CNTN4: variants seen among roughly 807,000 people sequenced by gnomAD.
CNTN4 encodes the protein contactin 4.
A neutral mutation model predicts 122.5 loss-of-function variants in CNTN4; 77 were observed. That is an observed-to-expected ratio of 0.63 (90% CI 0.52 to 0.76). The LOEUF (loss-of-function observed/expected upper bound fraction) is 0.76, where lower values mean the gene tolerates loss of function less well. CNTN4 is among the 30% of genes least tolerant of loss of function. The pLI, the probability that CNTN4 is intolerant of heterozygous loss-of-function variation, is 0.00. For synonymous variants in CNTN4, 512 were observed against 447.0 expected (o/e 1.15, Z -1.83); for missense variants, 1,256 against 1,259.1 (o/e 1.00, Z 0.04).
intron 3 of CNTN4, among the ~76,000 whole-genome samples, chr3:2,466,005 G>C (rs1228153752): frequency 6.6e-6 from 1 of 152,174 alleles, no homozygotes; most frequent in East Asian, 1.9e-4. Context: ...AAGTATGTGA[G>C]TACTTTGTAA....
chr3:2,318,155 T>C (rs916053750), intron 2 of CNTN4, among the ~76,000 whole-genome samples: 10 of 150,410 alleles, frequency 6.6e-5, no homozygotes, highest in African/African-American at 2.2e-4. Context: ...GAGGCCACAG[T>C]GTGTGATGAT....
chr3:2,740,434 A>T (rs1158237995), intron 5 of CNTN4, among the ~76,000 whole-genome samples: 1 of 152,204 alleles, frequency 6.6e-6, no homozygotes, highest in Non-Finnish European at 1.5e-5. Flanking sequence ...ACTCCTTCAA[A>T]TGATAACATA....
intron 4 of CNTN4, among the ~76,000 whole-genome samples, chr3:2,591,716 T>G (rs548392228): frequency 6.6e-6 from 1 of 151,978 alleles, no homozygotes; most frequent in Admixed American, 6.6e-5. Flanking sequence ...AAAAAAAATA[T>G]GAGGTGAATT....
intron 2 of CNTN4, among the ~76,000 whole-genome samples, chr3:2,208,866 T>G (rs2038481640): frequency 6.6e-6 from 1 of 152,142 alleles, no homozygotes; most frequent in Admixed American, 6.6e-5. Flanking sequence ...AGCAATAAAG[T>G]ATGTTTAAAT....
chr3:2,940,815 A>G (rs1329121661), intron 13 of CNTN4, among the ~76,000 whole-genome samples: 1 of 152,160 alleles, frequency 6.6e-6, no homozygotes, highest in African/African-American at 2.4e-5. Context: ...CATCTTCTGA[A>G]AGTCTGGTCA....
intron 3 of CNTN4, among the ~76,000 whole-genome samples, chr3:2,382,592 C>T (rs1029560915): frequency 2.0e-5 from 3 of 152,198 alleles, no homozygotes; most frequent in Non-Finnish European, 4.4e-5. Flanking sequence ...TTTTATTCTG[C>T]TCATTTATGT....
chr3:2,653,252 A>G (rs1231002409), intron 4 of CNTN4, among the ~76,000 whole-genome samples: 2 of 152,164 alleles, frequency 1.3e-5, no homozygotes, highest in East Asian at 3.8e-4. Flanking sequence ...AAGTTATATT[A>G]CATTTCAACA....
intron 12 of CNTN4, among the ~76,000 whole-genome samples, chr3:2,907,126 T>C (rs2094244061): frequency 6.6e-6 from 1 of 152,210 alleles, no homozygotes; most frequent in African/African-American, 2.4e-5. Flanking sequence ...AGACATAATA[T>C]GATTGTTTTC....
At chr3:2,836,572 A>T (rs9881373) in intron 7 of CNTN4, among the ~76,000 whole-genome samples, 52,346 of 151,882 alleles carry the variant, frequency 0.34, 10,515 homozygotes, top group African/African-American at 0.55. Context: ...ACATTAAGTA[A>T]ATATGGCATT....
chr3:2,471,272 C>T (rs2075673968), intron 3 of CNTN4, among the ~76,000 whole-genome samples: 1 of 152,144 alleles, frequency 6.6e-6, no homozygotes, highest in Admixed American at 6.5e-5. Flanking sequence ...TTTGGAGAGA[C>T]TGATAGACTT....
chr3:2,613,121 C>T (rs1436049352), intron 4 of CNTN4, among the ~76,000 whole-genome samples: 1 of 152,054 alleles, frequency 6.6e-6, no homozygotes, highest in East Asian at 1.9e-4. Flanking sequence ...AATTTGTTAT[C>T]CTGAGAGTGG....
chr3:2,821,677 G>A (rs922627967), intron 7 of CNTN4, among the ~76,000 whole-genome samples: 1 of 152,108 alleles, frequency 6.6e-6, no homozygotes. Context: ...ATGACTAAAA[G>A]GCAAATATAA....
chr3:2,857,588 GT>G (rs568706101), intron 7 of CNTN4, among the ~76,000 whole-genome samples: 6 of 151,862 alleles, frequency 4.0e-5, no homozygotes, highest in African/African-American at 1.5e-4. Context: ...TTTTTGTTTT[GT>G]TTTTTTGAGA....
chr3:2,792,896 G>A (rs1370976094), intron 6 of CNTN4, among the ~76,000 whole-genome samples: 1 of 152,014 alleles, frequency 6.6e-6, no homozygotes, highest in African/African-American at 2.4e-5. Context: ...AGTATTTATG[G>A]AAACATTCCT....
intron 6 of CNTN4, among the ~76,000 whole-genome samples, chr3:2,799,701 G>T (rs1259700882): frequency 6.6e-6 from 1 of 151,954 alleles, no homozygotes; most frequent in Non-Finnish European, 1.5e-5. Context: ...TATAGTTTCA[G>T]GTCATAACTT....
rs549997567 is a variant in CNTN4 at position 2,835,306 on chromosome 3, C to T, written c.454+15725C>T. 1.4e-4 allele frequency among the ~76,000 whole-genome samples: 22 copies of T among 152,086 alleles called. No homozygotes were observed. In the South Asian group the frequency reaches 4.4e-3, roughly 30 times the overall value. The stretch of plus-strand genomic sequence containing the variant: ...AAACATAGAGTCATAGTATATAAAG[C>T]TAAAAGTTTGGGAATACAAGGAGAA... On this transcript the variant is annotated intron_variant, in intron 7 of 24. Transcript: ENST00000418658.
intron 13 of CNTN4, among the ~76,000 whole-genome samples, chr3:2,952,541 T>A (rs2094756736): frequency 6.6e-6 from 1 of 152,212 alleles, no homozygotes; most frequent in Non-Finnish European, 1.5e-5. Flanking sequence ...TTTTTCAAAA[T>A]GAAATTATAT....
intron 8 of CNTN4, among the ~76,000 whole-genome samples, chr3:2,873,785 C>G (rs1417653332): frequency 1.3e-5 from 2 of 152,178 alleles, no homozygotes; most frequent in South Asian, 4.1e-4. Context: ...GAGACGTGAT[C>G]TACAACCCTT....
intron 2 of CNTN4, among the ~76,000 whole-genome samples, chr3:2,260,946 G>A (rs1189286746): frequency 6.6e-6 from 1 of 151,932 alleles, no homozygotes; most frequent in South Asian, 2.1e-4. Flanking sequence ...GGCCAGGCTG[G>A]TCTCAAAGTC....
Sources: gnomAD v4.1 joint callset for allele counts (sites outside exome capture counted in the v4.1 genomes callset) on GRCh38, gnomAD v4.1.1 for gene constraint, MANE v1.5 for transcripts, NCBI Gene and HGNC (gene_info 2026-07-23, HGNC 2026-07-21) for gene names.